Variants in CSMD1 observed in about 807,000 individuals in gnomAD.
CSMD1 encodes the protein CUB and sushi domain-containing protein 1.
A neutral mutation model predicts 417.5 loss-of-function variants in CSMD1; 213 were observed. The ratio of observed to expected loss-of-function variants is 0.51; its 90% CI spans 0.46 to 0.57. The LOEUF (loss-of-function observed/expected upper bound fraction) is 0.57, where lower values mean the gene tolerates loss of function less well. Ranked by LOEUF, CSMD1 falls within the 20% of genes least tolerant of loss-of-function variation. The pLI is 0.00. For missense variants in CSMD1, 6,923 were observed against 4,529.7 expected, an observed-to-expected ratio of 1.53 and a Z score of -15.17; for synonymous variants, 2,862 against 1,736.8, an observed-to-expected ratio of 1.65 and a Z score of -16.11.
chr8:4,009,795 G>T (rs998714560), intron 4 of CSMD1, among the ~76,000 whole-genome samples: 2 of 152,048 alleles, frequency 1.3e-5, no homozygotes, highest in African/African-American at 4.8e-5. Flanking sequence ...GACCATTCCT[G>T]CTCCATCCCC....
chr8:3,276,188 G>A (rs139839937), intron 26 of CSMD1, among the ~76,000 whole-genome samples: 171 of 152,222 alleles, frequency 1.1e-3, no homozygotes, highest in African/African-American at 3.7e-3. Flanking sequence ...GTACTCGGCC[G>A]TGTGAGGTGT....
At chr8:4,573,735 C>A (rs1799001807) in intron 2 of CSMD1, among the ~76,000 whole-genome samples, 1 of 152,128 alleles carries the variant, frequency 6.6e-6, no homozygotes, top group Non-Finnish European at 1.5e-5. Context: ...CACTCCTTCC[C>A]CCAGGTGCTC....
At chr8:4,724,171 T>C (rs1004601441) in intron 1 of CSMD1, among the ~76,000 whole-genome samples, 2 of 152,116 alleles carry the variant, frequency 1.3e-5, no homozygotes, top group East Asian at 1.9e-4. Flanking sequence ...TGTTCCAGAA[T>C]GCTTTTCATG....
intron 5 of CSMD1, among the ~76,000 whole-genome samples, chr8:3,926,598 A>C (rs1021864747): frequency 8.6e-5 from 13 of 151,642 alleles, no homozygotes; most frequent in African/African-American, 3.1e-4. Flanking sequence ...GGTTAATTTT[A>C]TCAGTTGTTT....
intron 26 of CSMD1, among the ~76,000 whole-genome samples, chr8:3,250,135 G>A (rs1469489466): frequency 6.6e-6 from 1 of 152,102 alleles, no homozygotes; most frequent in East Asian, 1.9e-4. Flanking sequence ...ATATACATGT[G>A]CCGTGTTGGT....
chr8:3,884,948 C>T lies in CSMD1; in HGVS notation c.818+112955G>A, dbSNP rs544227637. Among the ~76,000 whole-genome samples the T allele has an allele frequency of 1.6e-3, 235 of 145,672 alleles. 2 individuals are homozygous for T. Among genetic ancestry groups the T allele is most frequent in the African/African-American group, 5.8e-3 (219 of 37,526 alleles). On this transcript the variant is annotated intron_variant, in intron 5 of 69. Transcript: ENST00000635120. ...ATATATATTCATATATATATATACA[C>T]ACACACACACATTCAGAAGGCATCA...
intron 1 of CSMD1, among the ~76,000 whole-genome samples, chr8:4,850,081 T>G (rs1404414202): frequency 6.6e-6 from 1 of 152,188 alleles, no homozygotes; most frequent in Non-Finnish European, 1.5e-5. Flanking sequence ...CTGGTGGGTG[T>G]GAAGTAGGAT....
At chr8:4,162,109 T>A (rs781326430) in intron 3 of CSMD1, among the ~76,000 whole-genome samples, 1 of 152,206 alleles carries the variant, frequency 6.6e-6, no homozygotes, top group Admixed American at 6.5e-5. Context: ...TGAAGCAATA[T>A]ATGGTTACAT....
At chr8:3,585,387 C>T (rs1445610462) in intron 9 of CSMD1, among the ~76,000 whole-genome samples, 1 of 152,106 alleles carries the variant, frequency 6.6e-6, no homozygotes, top group Admixed American at 6.5e-5. Context: ...GGCTTTTTCT[C>T]CCAAAACTAC....
intron 5 of CSMD1, among the ~76,000 whole-genome samples, chr8:3,788,072 G>T (rs972147687): frequency 6.6e-6 from 1 of 152,134 alleles, no homozygotes; most frequent in African/African-American, 2.4e-5. Flanking sequence ...TCTCCATCCA[G>T]TGAGTGTTCT....
intron 49 of CSMD1, among the ~76,000 whole-genome samples, chr8:3,074,400 C>A (rs1285109502): frequency 6.6e-6 from 1 of 152,174 alleles, no homozygotes; most frequent in African/African-American, 2.4e-5. Flanking sequence ...ACCCCCAGGT[C>A]CATAGGGAGC....
intron 3 of CSMD1, among the ~76,000 whole-genome samples, chr8:4,388,321 G>GACACACACACACACACACACACAC (rs71205453): frequency 1.0e-5 from 1 of 95,550 alleles, no homozygotes. Flanking sequence ...CACACACACA[G>GACACACACACACACACACACACAC]ACACACACAC....
rs77792665 is a variant in CSMD1, at chr8:4,632,113, T to C, written c.302+5229A>G. ...AATTATCAGTCACCACATGGGATGG[T>C]TGACTCACATTCATTTAGGAGAGAG... On this transcript the variant is annotated intron_variant, in intron 2 of 69. Coordinates refer to ENST00000635120, the MANE Select transcript of CSMD1 (RefSeq NM_033225.6). Among the ~76,000 whole-genome samples, 813 of 152,328 alleles carry C rather than the reference T, an allele frequency of 5.3e-3. 2 individuals carry two copies. Among genetic ancestry groups the C allele is most frequent in the African/African-American group, 0.017 (710 of 41,578 alleles).
At chr8:3,751,611 CTA>C (rs1797347586) in intron 6 of CSMD1, among the ~76,000 whole-genome samples, 1 of 151,110 alleles carries the variant, frequency 6.6e-6, no homozygotes, top group Non-Finnish European at 1.5e-5. Context: ...TTTATATACT[CTA>C]TATAATACTT....
chr8:3,366,044 G>C lies in CSMD1; in HGVS notation c.3115+988C>G, dbSNP rs114657965. Among the ~76,000 whole-genome samples, 570 of 152,288 alleles carry C rather than the reference G, an allele frequency of 3.7e-3. 5 individuals carry two copies. The highest frequency in any genetic ancestry group is 0.013 in the African/African-American group (551 of 41,558). On this transcript the variant is annotated intron_variant, in intron 20 of 69. Coordinates refer to ENST00000635120, the MANE Select transcript of CSMD1 (RefSeq NM_033225.6). ...CATCAGAAGTTATTAAGGAATTTAT[G>C]AGATCTCAAAAGTAGAATAAATTAC...
At chr8:3,713,492 C>T (rs1801644965) in intron 6 of CSMD1, among the ~76,000 whole-genome samples, 1 of 152,146 alleles carries the variant, frequency 6.6e-6, no homozygotes, top group Non-Finnish European at 1.5e-5. Flanking sequence ...CCCTGTCCCT[C>T]CCTGTAATCC....
chr8:4,881,650 GTT>G (rs1488181978), intron 1 of CSMD1, among the ~76,000 whole-genome samples: 56 of 150,826 alleles, frequency 3.7e-4, no homozygotes, highest in Non-Finnish European at 1.0e-4. Context: ...ACTATGCAAA[GTT>G]TTAAATACAT....
At chr8:3,547,754 T>C (rs1348761704) in intron 10 of CSMD1, among the ~76,000 whole-genome samples, 1 of 152,206 alleles carries the variant, frequency 6.6e-6, no homozygotes, top group Non-Finnish European at 1.5e-5. Context: ...AGTTATCTAA[T>C]AGAAATGTGT....
At chr8:4,755,014 T>C (rs922824948) in intron 1 of CSMD1, among the ~76,000 whole-genome samples, 1 of 152,088 alleles carries the variant, frequency 6.6e-6, no homozygotes, top group Non-Finnish European at 1.5e-5. Flanking sequence ...GGCATGTGCC[T>C]GTGATCCCAG....
Sources: gnomAD v4.1 joint callset for allele counts (sites outside exome capture counted in the v4.1 genomes callset) on GRCh38, gnomAD v4.1.1 for gene constraint, MANE v1.5 for transcripts, NCBI Gene and HGNC (gene_info 2026-07-23, HGNC 2026-07-21) for gene names.